AFF3: variants seen among roughly 807,000 people sequenced by gnomAD.
The protein encoded by AFF3 is AF4/FMR2 family member 3.
AFF3 carries 32 observed loss-of-function variants against 129.7 expected under a neutral mutation model. The ratio of observed to expected loss-of-function variants is 0.25; its 90% CI spans 0.19 to 0.33. AFF3 has a LOEUF of 0.33. Among genes scored for constraint, AFF3 ranks in the 10% least tolerant of loss-of-function variants. AFF3 has a pLI of 1.00. For missense variants in AFF3, 1,373 were observed against 1,592.0 expected (o/e 0.86, Z 2.34); for synonymous variants, 644 against 635.4 (o/e 1.01, Z -0.20).
chr2:99,843,404 A>G (rs1689468910), intron 7 of AFF3, among the ~76,000 whole-genome samples: 1 of 152,236 alleles, frequency 6.6e-6, no homozygotes, highest in African/African-American at 2.4e-5. Context: ...TGTCTCCACC[A>G]TCATCTATAT....
At chr2:99,900,152 G>GA (rs1230351439) in intron 7 of AFF3, among the ~76,000 whole-genome samples, 1 of 152,148 alleles carries the variant, frequency 6.6e-6, no homozygotes, top group African/African-American at 2.4e-5. Context: ...CTTACCATGA[G>GA]AAATTATACT....
At chr2:99,832,480 T>C (rs1205765432) in intron 8 of AFF3, among the ~76,000 whole-genome samples, 2 of 152,188 alleles carry the variant, frequency 1.3e-5, no homozygotes, top group Non-Finnish European at 2.9e-5. Context: ...CACAGGGCCC[T>C]GCAACATAGT....
At chr2:99,682,392 A>C (rs992132391) in intron 11 of AFF3, among the ~76,000 whole-genome samples, 4 of 152,112 alleles carry the variant, frequency 2.6e-5, no homozygotes, top group Non-Finnish European at 4.4e-5. Context: ...GCTTGAAGGG[A>C]AGGGGTGTGT....
chr2:99,718,750 T>C (rs56179581), intron 11 of AFF3, among the ~76,000 whole-genome samples: 35,301 of 151,322 alleles, frequency 0.23, 4,311 homozygotes, highest in African/African-American at 0.27. Flanking sequence ...AGTAGGTTTT[T>C]CAATTTTTTT....
intron 15 of AFF3, among the ~76,000 whole-genome samples, chr2:99,592,076 T>C (rs1238945408): frequency 6.6e-6 from 1 of 152,146 alleles, no homozygotes; most frequent in Non-Finnish European, 1.5e-5. Context: ...TTCACAGTGA[T>C]AAAAATTACT....
chr2:99,653,871 CTTTTTTTCTTTT>C (rs1217380340), intron 12 of AFF3, among the ~76,000 whole-genome samples: 1 of 98,860 alleles, frequency 1.0e-5, no homozygotes, highest in Non-Finnish European at 1.9e-5. Context: ...GCCTGCACTG[CTTTTTTTCTTTT>C]TTTTTTTTTT....
At chr2:99,824,717 G>C (rs10183191) in intron 8 of AFF3, among the ~76,000 whole-genome samples, 240 of 152,228 alleles carry the variant, frequency 1.6e-3, no homozygotes, top group African/African-American at 5.5e-3. Context: ...CACATGAAGA[G>C]GTCCACCTAC....
rs1207632487 is a variant in AFF3, at chr2:99,729,040, A to AT, written c.1040-1913dup. Among the ~76,000 whole-genome samples the AT allele has an allele frequency of 3.6e-4, 55 of 151,750 alleles. 1 individual carries two copies. The highest frequency in any genetic ancestry group is 6.6e-5 in the Admixed American group (1 of 15,252). Reference sequence around the variant, plus strand: ...ATAAGACAAAACTAAATGGAAGTATATTTTTTTTCTCAAATATATGGATCC... The same window carrying AT: ...ATAAGACAAAACTAAATGGAAGTATATTTTTTTTTCTCAAATATATGGATCC... On this transcript the variant is annotated intron_variant, in intron 10 of 24. Transcript: ENST00000672756.
intron 11 of AFF3, among the ~76,000 whole-genome samples, chr2:99,685,916 G>C (rs567290914): frequency 2.0e-4 from 30 of 152,300 alleles, no homozygotes; most frequent in African/African-American, 6.7e-4. Context: ...GCCGGGCATG[G>C]TGGCTCAAAC....
At chr2:99,958,283 G>A (rs113352971) in intron 7 of AFF3, among the ~76,000 whole-genome samples, 1,855 of 152,050 alleles carry the variant, frequency 0.012, 28 homozygotes, top group African/African-American at 0.042. Flanking sequence ...ACTTAAGGTC[G>A]GGAGTTCGAG....
At chr2:99,902,993 C>T (rs562120216) in intron 7 of AFF3, among the ~76,000 whole-genome samples, 2 of 152,122 alleles carry the variant, frequency 1.3e-5, no homozygotes, top group African/African-American at 2.4e-5. Flanking sequence ...TATATTGAAG[C>T]CATTTCTCCT....
intron 4 of AFF3, among the ~76,000 whole-genome samples, chr2:100,070,106 G>C (rs1276901516): frequency 6.6e-6 from 1 of 152,180 alleles, no homozygotes; most frequent in African/African-American, 2.4e-5. Flanking sequence ...CAGAAAGGAA[G>C]AGGGAAGGTA....
At chr2:99,920,747 G>C (rs1695803827) in intron 7 of AFF3, among the ~76,000 whole-genome samples, 1 of 151,942 alleles carries the variant, frequency 6.6e-6, no homozygotes. Context: ...AAAGGAAGAA[G>C]TGAAACTCTA....
chr2:100,059,022 G>A (rs973290109), intron 4 of AFF3, among the ~76,000 whole-genome samples: 4 of 152,074 alleles, frequency 2.6e-5, no homozygotes, highest in Admixed American at 6.5e-5. Flanking sequence ...GGAGGCCAAG[G>A]GAGGTGGATC....
intron 4 of AFF3, among the ~76,000 whole-genome samples, chr2:100,101,149 T>G (rs1158068623): frequency 9.2e-5 from 14 of 152,142 alleles, no homozygotes; most frequent in Admixed American, 9.2e-4. Context: ...GAAGAGTAAG[T>G]ATGGATGTTT....
intron 7 of AFF3, among the ~76,000 whole-genome samples, chr2:99,952,901 T>C (rs1324887641): frequency 6.6e-6 from 1 of 152,220 alleles, no homozygotes; most frequent in East Asian, 1.9e-4. Flanking sequence ...TGAATCATCC[T>C]GTGTTTCAGT....
chr2:99,997,644 A>C (rs1001381564), intron 7 of AFF3, among the ~76,000 whole-genome samples: 14 of 152,024 alleles, frequency 9.2e-5, no homozygotes, highest in African/African-American at 3.1e-4. Context: ...TCTCACAGTA[A>C]AGCCACAGTC....
At chr2:99,961,451 A>T (rs1406080106) in intron 7 of AFF3, among the ~76,000 whole-genome samples, 1 of 152,128 alleles carries the variant, frequency 6.6e-6, no homozygotes, top group Admixed American at 6.5e-5. Flanking sequence ...TTGCCTTGAG[A>T]CATCTGCGGT....
chr2:99,721,018 CATTA>C (rs1252537364), intron 11 of AFF3, among the ~76,000 whole-genome samples: 3 of 152,076 alleles, frequency 2.0e-5, no homozygotes, highest in Non-Finnish European at 4.4e-5. Flanking sequence ...TTGATTCTTA[CATTA>C]ATTAAAAAAA....
Sources: allele counts gnomAD v4.1 joint callset (sites outside exome capture counted in the v4.1 genomes callset), GRCh38; gene constraint gnomAD v4.1.1; transcripts MANE v1.5; gene names NCBI Gene and HGNC (gene_info 2026-07-23, HGNC 2026-07-21).